The following CABLES1 variants were observed in gnomAD, a reference collection of about 807,000 sequenced individuals.
CABLES1 encodes the protein CDK5 and ABL1 enzyme substrate 1.
In CABLES1, 36 loss-of-function variants were observed where a neutral mutation model predicts 57.8. That is an observed-to-expected ratio of 0.62 (90% CI 0.48 to 0.82). The LOEUF is 0.82. Ranked by LOEUF, CABLES1 falls within the 40% of genes least tolerant of loss-of-function variation. CABLES1 has a pLI of 0.00. For synonymous variants in CABLES1, 374 were observed against 363.0 expected (o/e 1.03, Z -0.35); for missense variants, 767 against 836.6 (o/e 0.92, Z 1.03).
intron 1 of CABLES1, among the ~76,000 whole-genome samples, chr18:23,152,617 T>TG (rs2046938243): frequency 6.6e-6 from 1 of 151,602 alleles, no homozygotes; most frequent in African/African-American, 2.4e-5. Flanking sequence ...CCCGAGTAGC[T>TG]GGGATTACAG....
chr18:23,181,830 T>G (rs2047169040), intron 1 of CABLES1, among the ~76,000 whole-genome samples: 1 of 152,234 alleles, frequency 6.6e-6, no homozygotes, highest in South Asian at 2.1e-4. Flanking sequence ...GACAAGCTTT[T>G]GGGTGTCTTG....
At chr18:23,251,814 G>A (rs989749273) in intron 7 of CABLES1, among the ~76,000 whole-genome samples, 10 of 152,046 alleles carry the variant, frequency 6.6e-5, no homozygotes, top group Admixed American at 2.0e-4. Context: ...GGCCAGGCGC[G>A]GTGGCTCACG....
chr18:23,194,813 A>G (rs973447746), intron 3 of CABLES1, among the ~76,000 whole-genome samples: 1 of 152,226 alleles, frequency 6.6e-6, no homozygotes, highest in Non-Finnish European at 1.5e-5. Context: ...ACGGATTTTT[A>G]TAGAAACCTT....
intron 3 of CABLES1, among the ~76,000 whole-genome samples, chr18:23,196,393 G>T (rs2047282953): frequency 6.6e-6 from 1 of 152,206 alleles, no homozygotes; most frequent in Non-Finnish European, 1.5e-5. Context: ...GGGCCGGCAG[G>T]AGGGGCTGGC....
chr18:23,216,821 T>C lies in CABLES1; in HGVS notation c.1088+2767T>C, dbSNP rs373324816. ...CAGGGAAATGCTAGGTGGCAGCCAGTTGGTGCTAGGAAACAGTGTCTGTTC... is the reference window on the plus strand; with the variant it reads ...CAGGGAAATGCTAGGTGGCAGCCAGCTGGTGCTAGGAAACAGTGTCTGTTC... On this transcript the variant is annotated intron_variant, in intron 4 of 9. Coordinates refer to ENST00000256925, the MANE Select transcript of CABLES1 (RefSeq NM_001100619.3). Among the ~76,000 whole-genome samples the C allele has an allele frequency of 5.3e-5, 8 of 152,300 alleles. No homozygotes were observed. In the East Asian group the frequency reaches 1.2e-3, roughly 22 times the overall value.
At chr18:23,148,874 G>A (rs1480787302) in intron 1 of CABLES1, among the ~76,000 whole-genome samples, 1 of 152,174 alleles carries the variant, frequency 6.6e-6, no homozygotes, top group Non-Finnish European at 1.5e-5. Flanking sequence ...CAGGTTGAAT[G>A]GAGGAAGGAA....
chr18:23,254,394 A>G (rs1002516711), intron 9 of CABLES1, among the ~76,000 whole-genome samples: 1 of 152,228 alleles, frequency 6.6e-6, no homozygotes, highest in African/African-American at 2.4e-5. Flanking sequence ...GCCCTAGCAA[A>G]GCAAGGAAAC....
intron 1 of CABLES1, among the ~76,000 whole-genome samples, chr18:23,141,601 A>G (rs527821263): frequency 1.4e-4 from 21 of 152,322 alleles, no homozygotes; most frequent in African/African-American, 5.1e-4. Flanking sequence ...TCGGAGTTGT[A>G]GCCCCAGGCC....
chr18:23,219,337 T>G, intron 4 of CABLES1: 1 of 454,134 alleles, frequency 2.2e-6, no homozygotes, highest in Non-Finnish European at 4.4e-6. Flanking sequence ...AATGTCTGAT[T>G]AGAGCAGAGG....
At chr18:23,225,833 A>G (rs959943769) in intron 4 of CABLES1, among the ~76,000 whole-genome samples, 7 of 152,194 alleles carry the variant, frequency 4.6e-5, no homozygotes, top group Non-Finnish European at 1.5e-5. Flanking sequence ...AACTTTCCTA[A>G]ATAGGCAGAC....
chr18:23,169,363 G>A (rs925510422), intron 1 of CABLES1, among the ~76,000 whole-genome samples: 11 of 152,120 alleles, frequency 7.2e-5, no homozygotes, highest in East Asian at 5.8e-4. Context: ...TTTCTTGCAC[G>A]AGATCCAAGA....
chr18:23,208,900 C>T (rs1286491159), intron 3 of CABLES1, among the ~76,000 whole-genome samples: 7 of 152,220 alleles, frequency 4.6e-5, no homozygotes, highest in Non-Finnish European at 5.9e-5. Context: ...TCTGTCTCCA[C>T]TGTTAATGGC....
At chr18:23,207,223 G>A (rs1036761623) in intron 3 of CABLES1, among the ~76,000 whole-genome samples, 2 of 152,224 alleles carry the variant, frequency 1.3e-5, no homozygotes, top group East Asian at 1.9e-4. Flanking sequence ...GTGGGGGTTG[G>A]TGGCGAACAG....
chr18:23,236,219 A>G (rs556290713), intron 6 of CABLES1, among the ~76,000 whole-genome samples, 168 bp downstream of exon 6: 33 of 152,268 alleles, frequency 2.2e-4, no homozygotes, highest in African/African-American at 7.2e-4. Flanking sequence ...ATGAAGCCGC[A>G]GGTGATTTCT....
At chr18:23,231,548 AG>A (rs1159072570) in intron 4 of CABLES1, among the ~76,000 whole-genome samples, 5 of 152,268 alleles carry the variant, frequency 3.3e-5, no homozygotes, top group Admixed American at 2.6e-4. Flanking sequence ...GTAGAAAGCC[AG>A]GGGGAAGTGG....
At chr18:23,214,778 C>T (rs569185964) in intron 4 of CABLES1, 96 of 152,364 alleles carry the variant, frequency 6.3e-4, no homozygotes, top group African/African-American at 2.2e-3. Flanking sequence ...GGGATGTTGG[C>T]TGTGGCGTCT....
chr18:23,240,789 CCT>C (rs1455318586), intron 7 of CABLES1, among the ~76,000 whole-genome samples: 27 of 152,358 alleles, frequency 1.8e-4, no homozygotes, highest in African/African-American at 6.3e-4. Flanking sequence ...ACTGTCCTCC[CCT>C]GTTTTGGGAT....
intron 1 of CABLES1, among the ~76,000 whole-genome samples, chr18:23,145,942 T>C (rs1024403530): frequency 6.6e-6 from 1 of 152,208 alleles, no homozygotes; most frequent in African/African-American, 2.4e-5. Flanking sequence ...TGTAATGATA[T>C]GTGTGTGCAA....
chr18:23,255,789 G>A (rs1336150933), intron 9 of CABLES1, among the ~76,000 whole-genome samples: 1 of 151,896 alleles, frequency 6.6e-6, no homozygotes, highest in African/African-American at 2.4e-5. Flanking sequence ...TCGAACTCCT[G>A]GCCTCAAGCT....
Sources: allele counts gnomAD v4.1 joint callset (sites outside exome capture counted in the v4.1 genomes callset), GRCh38; gene constraint gnomAD v4.1.1; transcripts MANE v1.5; gene names NCBI Gene and HGNC (gene_info 2026-07-23, HGNC 2026-07-21).